STK40: variants seen among roughly 807,000 people sequenced by gnomAD.
STK40 encodes serine/threonine-protein kinase 40.
Under a neutral mutation model 47.9 loss-of-function variants are expected in STK40, and 13 were observed. The ratio of observed to expected loss-of-function variants is 0.27; its 90% CI spans 0.18 to 0.43. The LOEUF is 0.43. STK40 is among the 20% of genes least tolerant of loss of function. The probability of loss-of-function intolerance (pLI) is 1.00; values close to 1 mark genes in which losing one functional copy is unlikely to be tolerated. For synonymous variants in STK40, 225 were observed against 243.2 expected, an observed-to-expected ratio of 0.93 and a Z score of 0.69; for missense variants, 460 against 595.1, an observed-to-expected ratio of 0.77 and a Z score of 2.36.
intron 6 of STK40, 36 bp from the exon 7 acceptor site, chr1:36,348,851 T>A: frequency 6.5e-7 from 1 of 1,547,780 alleles, no homozygotes; most frequent in Non-Finnish European, 8.8e-7. Context: ...AACCTCAGTG[T>A]CTATAGCAAC....
At chr1:36,359,004 G>A (rs1358600995) in intron 2 of STK40, among the ~76,000 whole-genome samples, 182 bp from the exon 3 acceptor site, 1 of 152,146 alleles carries the variant, frequency 6.6e-6, no homozygotes, top group African/African-American at 2.4e-5. Context: ...AAAATAGAGG[G>A]GTATGTGTGC....
chr1:36,379,625 C>T (rs1028335137), intron 1 of STK40, among the ~76,000 whole-genome samples: 2 of 152,064 alleles, frequency 1.3e-5, no homozygotes, highest in Non-Finnish European at 2.9e-5. Context: ...CGTGATCTGC[C>T]TGCCTCGGCC....
rs561806830 is a variant in STK40 at position 36,348,620 on chromosome 1, C to A, written c.739+80G>T. ...GCCCCAGCACCTTGCCCAGGGCCTG[C>A]CCACAAATTTGCTGAGTGGACTGTC... On this transcript the variant is annotated intron_variant, in intron 7 of 10. Coordinates refer to ENST00000373132, the MANE Select transcript of STK40 (RefSeq NM_001282547.2). 1.9e-5 allele frequency: 26 copies of A among 1,370,932 alleles called. 1 individual carries two copies. Among genetic ancestry groups the A allele is most frequent in the Non-Finnish European group, 2.4e-5 (24 of 985,290 alleles). The allele number at this position is 1,370,932 out of a possible 1,614,324, so 84.9% of individuals were successfully genotyped here. A position where few individuals can be genotyped will look rare whatever the true frequency, so the allele number is the denominator to read the frequency against.
intron 1 of STK40, among the ~76,000 whole-genome samples, chr1:36,372,439 AAAAAAAAAAG>A (rs1646956879): frequency 6.6e-6 from 1 of 151,472 alleles, no homozygotes; most frequent in Non-Finnish European, 1.5e-5. Context: ...AAAAAAAAAA[AAAAAAAAAAG>A]AAAGAAAGAA....
intron 1 of STK40, among the ~76,000 whole-genome samples, chr1:36,362,305 G>A (rs531792383): frequency 6.6e-6 from 1 of 152,332 alleles, no homozygotes; most frequent in South Asian, 2.1e-4. Context: ...GTACAGACGA[G>A]TTCCACATGG....
chr1:36,355,657 T>C (rs185619774), intron 4 of STK40, among the ~76,000 whole-genome samples: 16 of 152,332 alleles, frequency 1.1e-4, no homozygotes, highest in East Asian at 5.8e-4. Flanking sequence ...AGCAAGAGGC[T>C]GAAGCTAAAA....
At chr1:36,346,793 C>T (rs375773636) in intron 7 of STK40, among the ~76,000 whole-genome samples, 1 of 152,346 alleles carries the variant, frequency 6.6e-6, no homozygotes, top group East Asian at 1.9e-4. Flanking sequence ...AAATGAAGGC[C>T]ACTCTAGGCT....
chr1:36,344,071 A>G (rs778390645), intron 8 of STK40, 49 bp downstream of exon 8: 2 of 1,599,224 alleles, frequency 1.3e-6, no homozygotes, highest in East Asian at 2.2e-5. Context: ...CCCTGCCTTA[A>G]GCCCATCAGG....
intron 1 of STK40, among the ~76,000 whole-genome samples, chr1:36,374,768 G>C (rs1646977902): frequency 6.6e-6 from 1 of 152,166 alleles, no homozygotes; most frequent in South Asian, 2.1e-4. Flanking sequence ...TCTGCCATGC[G>C]CAGTGACGGC....
At position 36,349,429 on chromosome 1, in the gene STK40, G is replaced by A. The variant is rs74064533; in HGVS notation, c.624-614C>T. On this transcript the variant is annotated intron_variant, in intron 6 of 10. Transcript: ENST00000373132. ...ACAACAAAGGCACAGGGAAGTGAAA[G>A]GACTTGGCCAAGGTCATGCAGCTGG... 2.9e-3 allele frequency among the ~76,000 whole-genome samples: 436 copies of A among 152,326 alleles called. 2 individuals carry two copies. The highest frequency in any genetic ancestry group is 0.014 in the Middle Eastern group (4 of 294).
In STK40 at chr1:36,341,697, C is replaced by T. The variant is rs1027592211; in HGVS notation, c.*58G>A. On this transcript the variant is annotated 3_prime_UTR_variant, in exon 11 of 11. Coordinates refer to ENST00000373132, the MANE Select transcript of STK40 (RefSeq NM_001282547.2). ...CTACAGGGCCCAGCCCTGACAGCCA[C>T]GCCTTTGGCTGGGGCTGGAAGAAGT... 10 of 1,591,522 alleles carry T rather than the reference C, an allele frequency of 6.3e-6. No individual in the cohort carries two copies. The highest frequency in any genetic ancestry group is 1.3e-5 in the African/African-American group (1 of 74,522).
chr1:36,375,433 G>A (rs536488850), intron 1 of STK40, among the ~76,000 whole-genome samples: 4 of 151,754 alleles, frequency 2.6e-5, no homozygotes, highest in Admixed American at 2.0e-4. Flanking sequence ...CTTGAACCCA[G>A]GAGGTGGAGG....
At chr1:36,365,663 C>G (rs4451521) in intron 1 of STK40, among the ~76,000 whole-genome samples, 150,649 of 152,312 alleles carry the variant, frequency 0.99, 74,527 homozygotes, top group Middle Eastern at 1. Context: ...TCTTTGCTTG[C>G]CTAACTCCTA....
Position 36,340,796 on chromosome 1 carries a change from A to T in STK40, c.*959T>A, listed in dbSNP as rs529947085. ...CTGGGATATGTTCCCACCATCCCCT[A>T]AACACAAGAGTAGGCTAGGGGAGCG... On this transcript the variant is annotated 3_prime_UTR_variant, in exon 11 of 11. Transcript: ENST00000373132. 6.6e-6 allele frequency: 1 copy of T among 152,414 alleles called. No individual in the cohort carries two copies. The highest frequency in any genetic ancestry group is 2.1e-4 in the South Asian group (1 of 4,828). The allele number at this position is 152,414 out of a possible 1,614,324, so 9.4% of individuals were successfully genotyped here. A position where few individuals can be genotyped will look rare whatever the true frequency, so the allele number is the denominator to read the frequency against.
At chr1:36,357,659 C>A (rs1447874023) in intron 4 of STK40, among the ~76,000 whole-genome samples, 1 of 152,196 alleles carries the variant, frequency 6.6e-6, no homozygotes, top group Non-Finnish European at 1.5e-5. Flanking sequence ...CTCTGTCACC[C>A]AGGCTGGAGT....
At chr1:36,352,797 G>C (rs1224178487) in intron 6 of STK40, among the ~76,000 whole-genome samples, 1 of 152,208 alleles carries the variant, frequency 6.6e-6, no homozygotes, top group Non-Finnish European at 1.5e-5. Flanking sequence ...CCATCTTCTG[G>C]TCAGTACACC....
At position 36,343,344 on chromosome 1, in the gene STK40, A is replaced by T. The variant is rs1400937243; in HGVS notation, c.1089+20T>A. On this transcript the variant is annotated intron_variant, in intron 10 of 10. Transcript: ENST00000373132. Reference sequence around the variant, plus strand: ...GTCCCTTGGGGCTGGGTAATGGCCCATCTGCCCTCCCCAACTCACCTCCTG... The same window carrying T: ...GTCCCTTGGGGCTGGGTAATGGCCCTTCTGCCCTCCCCAACTCACCTCCTG... The T allele has an allele frequency of 6.2e-7, 1 of 1,607,532 alleles. No individual in the cohort carries two copies. The highest frequency in any genetic ancestry group is 8.5e-7 in the Non-Finnish European group (1 of 1,176,350).
intron 1 of STK40, among the ~76,000 whole-genome samples, chr1:36,368,285 T>TA (rs1646918161): frequency 6.7e-6 from 1 of 149,280 alleles, no homozygotes; most frequent in Admixed American, 6.6e-5. Context: ...ATATATATAT[T>TA]TTTTTTCGAG....
At chr1:36,347,253 G>T (rs1028408831) in intron 7 of STK40, among the ~76,000 whole-genome samples, 2 of 152,224 alleles carry the variant, frequency 1.3e-5, no homozygotes, top group East Asian at 3.9e-4. Context: ...CTCATGTGTG[G>T]GGTGGGGATG....
Sources: gnomAD v4.1 joint callset for allele counts (sites outside exome capture counted in the v4.1 genomes callset) on GRCh38, gnomAD v4.1.1 for gene constraint, MANE v1.5 for transcripts, NCBI Gene and HGNC (gene_info 2026-07-23, HGNC 2026-07-21) for gene names.